The following CD47 variants were observed in gnomAD, a reference collection of about 807,000 sequenced individuals.
CD47 encodes leukocyte surface antigen CD47.
Under a neutral mutation model 44.6 loss-of-function variants are expected in CD47, and 11 were observed. That is an observed-to-expected ratio of 0.25 (90% CI 0.16 to 0.41). The LOEUF (loss-of-function observed/expected upper bound fraction) is 0.41. Among genes scored for constraint, CD47 ranks in the 10% least tolerant of loss-of-function variants. CD47 has a pLI of 1.00. For synonymous variants in CD47, 140 were observed against 136.3 expected (o/e 1.03, Z -0.19); for missense variants, 306 against 386.7 (o/e 0.79, Z 1.75).
At chr3:108,075,828 G>A (rs2079300739) in intron 2 of CD47, among the ~76,000 whole-genome samples, 1 of 152,174 alleles carries the variant, frequency 6.6e-6, no homozygotes, top group Admixed American at 6.5e-5. Context: ...TCTTAAAAGG[G>A]TCTGGGTTCT....
chr3:108,076,226 A>G (rs1032874084), intron 2 of CD47, among the ~76,000 whole-genome samples: 4 of 152,342 alleles, frequency 2.6e-5, no homozygotes, highest in African/African-American at 9.6e-5. Flanking sequence ...ATGCAGCACT[A>G]GAAAACTAAT....
chr3:108,073,690 T>C (rs1272720567), intron 2 of CD47, among the ~76,000 whole-genome samples: 2 of 152,184 alleles, frequency 1.3e-5, no homozygotes, highest in African/African-American at 4.8e-5. Flanking sequence ...GATTTTATTC[T>C]AAGAGCAATG....
intron 1 of CD47, among the ~76,000 whole-genome samples, chr3:108,081,541 T>C (rs1266566303): frequency 6.6e-6 from 1 of 152,016 alleles, no homozygotes; most frequent in African/African-American, 2.4e-5. Flanking sequence ...AATGCAAGGA[T>C]GCATACTGGA....
chr3:108,083,710 A>G (rs1212990217), intron 1 of CD47, among the ~76,000 whole-genome samples: 1 of 152,014 alleles, frequency 6.6e-6, no homozygotes, highest in Non-Finnish European at 1.5e-5. Flanking sequence ...ACCATTTTAC[A>G]TATTTCATGT....
At chr3:108,067,263 A>G (rs183266870) in intron 3 of CD47, among the ~76,000 whole-genome samples, 35 of 152,370 alleles carry the variant, frequency 2.3e-4, no homozygotes, top group Admixed American at 2.3e-3. Context: ...GAACAATATA[A>G]TAATAGTTTT....
chr3:108,075,108 A>G (rs1275331017), intron 2 of CD47, among the ~76,000 whole-genome samples: 2 of 152,194 alleles, frequency 1.3e-5, no homozygotes, highest in African/African-American at 4.8e-5. Context: ...TTTCCATCAC[A>G]AGATTAATAA....
At position 108,060,843 on chromosome 3, in the gene CD47, T is replaced by C. The variant is rs2078999089; in HGVS notation, c.500A>G (p.Tyr167Cys). ...TTTCTCATCCATACCACCGGATCTA[T>C]ATTTAAGTGCTTAAAAAAGAAAAAC... ...WGQFGIKTLK[Y>C]RSGGMDEKTI... Residue 167 changes from tyrosine to cysteine, a missense_variant, in exon 4 of 11, where the codon TAT becomes TGT. By Grantham distance (194) the Tyr-to-Cys change is radical. Transcript: ENST00000361309. 3 of 1,605,468 alleles carry C rather than the reference T, an allele frequency of 1.9e-6. No individual in the cohort carries two copies. The highest frequency in any genetic ancestry group is 1.3e-5 in the African/African-American group (1 of 74,724).
rs532322301 is a variant in CD47 at position 108,046,110 on chromosome 3, C to T, written c.*1178G>A. The T allele has an allele frequency of 6.6e-6, 1 of 152,520 alleles. No individual in the cohort carries two copies. Among genetic ancestry groups the T allele is most frequent in the East Asian group, 1.9e-4 (1 of 5,188 alleles). 9.4% of individuals were successfully genotyped at this position (152,520 alleles called of 1,614,324 possible). On this transcript the variant is annotated 3_prime_UTR_variant, in exon 11 of 11. Coordinates refer to ENST00000361309, the MANE Select transcript of CD47 (RefSeq NM_001777.4). ...TGTCAGAACATTAATTTTCTTCTAA[C>T]CAGGATAGGAAATGTGGGTTTTGTT...
intron 1 of CD47, among the ~76,000 whole-genome samples, chr3:108,087,736 C>A (rs1176923989): frequency 6.6e-6 from 1 of 152,152 alleles, no homozygotes; most frequent in Non-Finnish European, 1.5e-5. Flanking sequence ...GAATCTCAAA[C>A]CATGAGATTG....
chr3:108,080,526 T>A (rs544294886), intron 1 of CD47, among the ~76,000 whole-genome samples, 182 bp from the exon 2 acceptor site: 6 of 151,956 alleles, frequency 3.9e-5, no homozygotes, highest in African/African-American at 1.2e-4. Context: ...AATATTAACT[T>A]GCACAGCTGG....
intron 2 of CD47, among the ~76,000 whole-genome samples, chr3:108,073,088 A>C (rs2079238694): frequency 6.7e-6 from 1 of 149,660 alleles, no homozygotes; most frequent in Non-Finnish European, 1.5e-5. Context: ...CCTTGGAGTT[A>C]TACCTGACTC....
intron 3 of CD47, among the ~76,000 whole-genome samples, chr3:108,069,624 C>G (rs997174186): frequency 2.7e-5 from 4 of 150,584 alleles, no homozygotes; most frequent in South Asian, 2.1e-4. Flanking sequence ...TGTAAAAATA[C>G]AGCCAACAGT....
At chr3:108,074,688 T>G (rs2079273252) in intron 2 of CD47, among the ~76,000 whole-genome samples, 1 of 106,720 alleles carries the variant, frequency 9.4e-6, no homozygotes, top group Non-Finnish European at 1.8e-5. Context: ...GATTTTAAAT[T>G]GTTCCCTGAT....
At position 108,059,476 on chromosome 3, in the gene CD47, G is replaced by A; in HGVS notation, c.667C>T (p.Leu223Phe). Residue 223 changes from leucine (L) to phenylalanine (F), a missense_variant, in exon 5 of 11, where the codon CTT becomes TTT. Around this residue, in one of 5 missense-constraint regions of CD47, gnomAD observed 131 missense variants for 135.3 expected, o/e 0.97. Coordinates refer to ENST00000361309, the MANE Select transcript of CD47 (RefSeq NM_001777.4). ...CCTGTACTAAACACATAGTAGTGAA[G>A]TAATATTAATATCCCTGTAGAAGTC... is the stretch of plus-strand genomic sequence containing the variant. ...IVTSTGILILLHYYVFSTAIG... is the reference protein window; with the variant it reads ...IVTSTGILILFHYYVFSTAIG... 1 of 1,512,658 alleles carries A rather than the reference G, an allele frequency of 6.6e-7. No individual in the cohort carries two copies. The highest frequency in any genetic ancestry group is 1.2e-5 in the South Asian group (1 of 80,278). The allele number at this position is 1,512,658 out of a possible 1,614,324, so 93.7% of individuals were successfully genotyped here.
rs1345944544 is a variant in CD47 at position 108,074,226 on chromosome 3, ACT to A, written c.401-3046_401-3045del. Among the ~76,000 whole-genome samples the A allele has an allele frequency of 2.0e-5, 3 of 152,146 alleles. No homozygotes were observed. The East Asian group carries it at 5.8e-4, about 29-fold the overall frequency. Reference sequence around the variant, plus strand: ...AGATAGACTAGATGACTACTTGATGACTCCCAGATTCTATGTGAAACAAGAAA... The same window carrying A: ...AGATAGACTAGATGACTACTTGATGACCCAGATTCTATGTGAAACAAGAAA... On this transcript the variant is annotated intron_variant, in intron 2 of 10. Coordinates refer to ENST00000361309, the MANE Select transcript of CD47 (RefSeq NM_001777.4).
rs553502215 is a variant in CD47 at position 108,057,633 on chromosome 3, A to G, written c.785-64T>C. The G allele has an allele frequency of 1.7e-5, 14 of 834,704 alleles. 1 individual carries two copies. In the East Asian group the frequency reaches 3.5e-4, roughly 21 times the overall value. 51.7% of individuals were successfully genotyped at this position (834,704 alleles called of 1,614,324 possible). ...TGAAATAACTTACTAAAAAACAGTA[A>G]TAATCCCAAGTTTTAAGAGAGTTAT... On this transcript the variant is annotated intron_variant, in intron 6 of 10. Coordinates refer to ENST00000361309, the MANE Select transcript of CD47 (RefSeq NM_001777.4).
chr3:108,051,183 A>G (rs1297970326), intron 8 of CD47, among the ~76,000 whole-genome samples: 2 of 152,200 alleles, frequency 1.3e-5, no homozygotes, highest in African/African-American at 4.8e-5. Context: ...CTCCGGCCAC[A>G]GACAGAAGAC....
rs751892585 is a variant in CD47, at chr3:108,051,957, C to T, written c.891G>A (p.Lys297=). The T allele has an allele frequency of 7.0e-7, 1 of 1,432,244 alleles. No individual in the cohort carries two copies. The highest frequency in any genetic ancestry group is 9.8e-7 in the Non-Finnish European group (1 of 1,018,444). 88.7% of individuals were successfully genotyped at this position (1,432,244 alleles called of 1,614,324 possible). ...VYMKFVASNQ[K]TIQPPRKAVE... ...AACTTACCCTAGGAGGTTGTATAGT[C>T]TTCTGATTGGAAGCTGATATAAATA... The change falls in exon 8 of 11, where the codon AAG becomes AAA. Residue 297 remains lysine (K), a synonymous_variant. Coordinates refer to ENST00000361309, the MANE Select transcript of CD47 (RefSeq NM_001777.4).
intron 10 of CD47, 97 bp downstream of exon 10, chr3:108,049,521 CT>C: frequency 1.3e-6 from 1 of 767,118 alleles, no homozygotes. Context: ...GACAGTGTCC[CT>C]TTTACTAAAA....
Sources: allele counts gnomAD v4.1 joint callset (sites outside exome capture counted in the v4.1 genomes callset), GRCh38; gene constraint gnomAD v4.1.1; regional missense constraint gnomAD v4.1.1; transcripts MANE v1.5; gene names NCBI Gene and HGNC (gene_info 2026-07-23, HGNC 2026-07-21).